The following ELF1 variants were observed in gnomAD, a reference collection of about 807,000 sequenced individuals.
ELF1 encodes ETS-related transcription factor Elf-1.
ELF1 carries 24 observed loss-of-function variants against 59.9 expected under a neutral mutation model. That is an observed-to-expected ratio of 0.40 (90% confidence interval 0.29 to 0.56). The LOEUF (loss-of-function observed/expected upper bound fraction) is 0.56. ELF1 is among the 20% of genes least tolerant of loss of function. The pLI, the probability that ELF1 is intolerant of heterozygous loss-of-function variation, is 0.44. For missense variants in ELF1, 627 were observed against 742.2 expected (o/e 0.84, Z 1.80); for synonymous variants, 248 against 266.2 (o/e 0.93, Z 0.67).
chr13:41,039,109 T>TATA (rs1876503160), intron 1 of ELF1, among the ~76,000 whole-genome samples: 3 of 150,674 alleles, frequency 2.0e-5, no homozygotes, highest in Non-Finnish European at 4.4e-5. Flanking sequence ...GTAAATGCAC[T>TATA]ATAACCTAGG....
At position 40,939,112 on chromosome 13, in the gene ELF1, T is replaced by G. The variant is rs4942012; in HGVS notation, c.1256+1809A>C. Among the ~76,000 whole-genome samples the G allele has an allele frequency of 1.3e-5, 2 of 151,954 alleles. 1 individual carries two copies. Among genetic ancestry groups the G allele is most frequent in the South Asian group, 4.1e-4 (2 of 4,828 alleles). On this transcript the variant is annotated intron_variant, in intron 8 of 8. Transcript: ENST00000239882. ...CTTCAGGAGGCCAAGGTGGTAGGAT[T>G]GCTTGGTTGGTCTTGGTTCAAGACC...
chr13:40,987,428 A>C (rs9315798), intron 1 of ELF1, among the ~76,000 whole-genome samples: 3,680 of 148,390 alleles, frequency 0.025, 116 homozygotes, highest in African/African-American at 0.073. Flanking sequence ...CAAAAACACA[A>C]AAAAAAAATT....
chr13:40,958,996 A>C lies in ELF1; in HGVS notation c.93T>G (p.Phe31Leu). The C allele has an allele frequency of 6.2e-7, 1 of 1,611,236 alleles. No individual in the cohort carries two copies. The highest frequency in any genetic ancestry group is 8.5e-7 in the Non-Finnish European group (1 of 1,178,774). Reference protein sequence around the residue: ...DERQLGDPAIFPAVIVEHVPG... With the variant: ...DERQLGDPAILPAVIVEHVPG... ...GAACATGTTCCACAATTACGGCAGG[A>C]AAAATAGCTGGATCACCAAGCTGGG... The change falls in exon 3 of 9, where the codon TTT (phenylalanine) becomes TTG (leucine). Residue 31 changes from phenylalanine to leucine, a missense_variant. Phe to Leu is a conservative substitution (Grantham distance 22). Around this residue, in one of 3 missense-constraint regions of ELF1, gnomAD observed 232 missense variants for 269.2 expected, o/e 0.86. Transcript: ENST00000239882.
intron 1 of ELF1, among the ~76,000 whole-genome samples, chr13:41,018,777 T>A (rs767500434): frequency 2.6e-5 from 4 of 152,140 alleles, no homozygotes; most frequent in Non-Finnish European, 4.4e-5. Context: ...TCCCAAAACT[T>A]CACCCTTAGC....
Position 40,951,405 on chromosome 13 carries a change from T to A in ELF1, c.285A>T (p.Thr95=). Reference sequence around the variant, plus strand: ...CCTCAGCAGCCTCAATAGTTTCAATTGTTTCATCCCCGTCATGACAAGAAG... The same window carrying A: ...CCTCAGCAGCCTCAATAGTTTCAATAGTTTCATCCCCGTCATGACAAGAAG... ...VEASCHDGDE[T]IETIEAAEAL... The change falls in exon 4 of 9, where the codon ACA becomes ACT. Residue 95 remains threonine, a synonymous_variant. Transcript: ENST00000239882. The A allele has an allele frequency of 6.2e-7, 1 of 1,613,922 alleles. No homozygotes were observed. The highest frequency in any genetic ancestry group is 8.5e-7 in the Non-Finnish European group (1 of 1,179,938).
At chr13:40,989,452 T>C (rs2324748) in intron 1 of ELF1, among the ~76,000 whole-genome samples, 82,938 of 152,142 alleles carry the variant, frequency 0.55, 25,803 homozygotes, top group Non-Finnish European at 0.69. Context: ...TTTAAAACTA[T>C]GTTTTTGCAA....
chr13:41,019,797 G>A (rs181925179), upstream of ELF1, among the ~76,000 whole-genome samples: 1 of 152,204 alleles, frequency 6.6e-6, no homozygotes, highest in Admixed American at 6.5e-5. Flanking sequence ...GGAAAGGCTA[G>A]CAAACTACAA....
intron 1 of ELF1, among the ~76,000 whole-genome samples, chr13:41,040,104 CAA>C (rs1479065783): frequency 6.6e-6 from 1 of 152,116 alleles, no homozygotes; most frequent in East Asian, 1.9e-4. Context: ...ACTTCACAAC[CAA>C]AAGACTTTAA....
intron 2 of ELF1, among the ~76,000 whole-genome samples, chr13:40,975,137 C>T (rs1887203): frequency 0.99 from 150,266 of 152,330 alleles, 74,141 homozygotes; most frequent in East Asian, 1. Context: ...ACTAAGTCCA[C>T]GTACAGATCA....
rs561038709 is a variant in ELF1 at position 41,057,760 on chromosome 13, T to C, written c.-229+3078A>G. ...TCCACAGCACTCAGTGTCACTAATT[T>C]ATGGCCCAAGAGACAGCACCTAAAA... On this transcript the variant is annotated intron_variant, in intron 1 of 1. Transcript: ENST00000405737. 1.1e-3 allele frequency among the ~76,000 whole-genome samples: 161 copies of C among 152,300 alleles called. 1 individual carries two copies. The highest frequency in any genetic ancestry group is 2.5e-4 in the Non-Finnish European group (17 of 68,030).
At chr13:41,048,248 C>T (rs1056570413) in intron 1 of ELF1, among the ~76,000 whole-genome samples, 2 of 152,232 alleles carry the variant, frequency 1.3e-5, no homozygotes, top group African/African-American at 4.8e-5. Flanking sequence ...CCTCGCCCTG[C>T]TTCGGCTCAC....
intron 1 of ELF1, among the ~76,000 whole-genome samples, chr13:41,032,363 A>G (rs921216064): frequency 5.3e-5 from 8 of 151,480 alleles, no homozygotes; most frequent in Non-Finnish European, 8.8e-5. Context: ...GATTACAGGC[A>G]TGCACCACCA....
intron 3 of ELF1, among the ~76,000 whole-genome samples, chr13:40,952,511 G>A (rs7322399): frequency 0.53 from 79,955 of 151,088 alleles, 24,506 homozygotes; most frequent in Non-Finnish European, 0.67. Context: ...ACAGTCTCAG[G>A]CCACCATGCC....
chr13:41,039,336 T>TA (rs747996967), intron 1 of ELF1, among the ~76,000 whole-genome samples: 2,909 of 102,812 alleles, frequency 0.028, 53 homozygotes, highest in African/African-American at 0.045. Context: ...GTCCTTTTTT[T>TA]AAAAAAAAAA....
chr13:40,934,070 C>T lies in ELF1; in HGVS notation c.1257-42G>A, dbSNP rs764868700. ...ATTAAAGTGAGACAATTAGCATATT[C>T]TACATCATTTAAAACTTTAACACTT... On this transcript the variant is annotated intron_variant, in intron 8 of 8. Transcript: ENST00000239882. 14 of 1,560,916 alleles carry T rather than the reference C, an allele frequency of 9.0e-6. No homozygotes were observed. The Admixed American group carries it at 2.7e-4, about 31-fold the overall frequency.
intron 1 of ELF1, among the ~76,000 whole-genome samples, chr13:41,045,066 T>G (rs2138425926): frequency 6.6e-6 from 1 of 152,358 alleles, no homozygotes; most frequent in Middle Eastern, 3.4e-3. Context: ...TTCTAGATTT[T>G]CTAGTTTATT....
At chr13:41,015,815 A>T (rs1198928430) in intron 1 of ELF1, among the ~76,000 whole-genome samples, 1 of 152,214 alleles carries the variant, frequency 6.6e-6, no homozygotes, top group African/African-American at 2.4e-5. Context: ...TGGCCAACTG[A>T]ATTTGTCACG....
At chr13:41,030,050 C>CAT (rs953021360) in intron 1 of ELF1, among the ~76,000 whole-genome samples, 71 of 151,164 alleles carry the variant, frequency 4.7e-4, no homozygotes, top group African/African-American at 1.4e-3. Flanking sequence ...GAATAATTAC[C>CAT]ATATATATAT....
At chr13:40,999,378 T>A (rs1460939862) in intron 1 of ELF1, among the ~76,000 whole-genome samples, 1 of 152,196 alleles carries the variant, frequency 6.6e-6, no homozygotes, top group Non-Finnish European at 1.5e-5. Flanking sequence ...TAAAAATATA[T>A]TGTGTCTGTG....
Sources: allele counts gnomAD v4.1 joint callset (sites outside exome capture counted in the v4.1 genomes callset), GRCh38; gene constraint gnomAD v4.1.1; regional missense constraint gnomAD v4.1.1; transcripts MANE v1.5; gene names NCBI Gene and HGNC (gene_info 2026-07-23, HGNC 2026-07-21).